The following RIPOR3 variants were observed in gnomAD, a reference collection of about 807,000 sequenced individuals.
RIPOR3 encodes the protein RIPOR family member 3.
In RIPOR3, 95 loss-of-function variants were observed where a neutral mutation model predicts 114.3. That is an observed-to-expected ratio of 0.83 (90% CI 0.70 to 0.99). The LOEUF (loss-of-function observed/expected upper bound fraction) is 0.99, where lower values mean the gene tolerates loss of function less well. Among genes scored for constraint, RIPOR3 ranks in the 50% least tolerant of loss-of-function variants. The probability of loss-of-function intolerance (pLI) is 0.00; values close to 1 mark genes in which losing one functional copy is unlikely to be tolerated. For missense variants in RIPOR3, 1,252 were observed against 1,266.9 expected (o/e 0.99, Z 0.18); for synonymous variants, 575 against 543.8 (o/e 1.06, Z -0.80).
At chr20:50,687,969 C>T (rs1453828195) in intron 1 of RIPOR3, among the ~76,000 whole-genome samples, 1 of 151,608 alleles carries the variant, frequency 6.6e-6, no homozygotes, top group African/African-American at 2.4e-5. Flanking sequence ...AAAAATAAAA[C>T]TTACAATACC....
chr20:50,617,134 T>C (rs5016173), intron 3 of RIPOR3, among the ~76,000 whole-genome samples: 123,803 of 152,028 alleles, frequency 0.81, 51,068 homozygotes, highest in African/African-American at 0.94. Flanking sequence ...GAGCGAGACT[T>C]CATTCCAAAA....
At chr20:50,630,571 A>ATC (rs140830420) in intron 2 of RIPOR3, among the ~76,000 whole-genome samples, 167 bp downstream of exon 2, 25,300 of 132,914 alleles carry the variant, frequency 0.19, 3,030 homozygotes, top group African/African-American at 0.36. Context: ...CTCAATCTCA[A>ATC]TCTCTCTCTC....
At chr20:50,599,373 C>G (rs1490514491) in intron 13 of RIPOR3, among the ~76,000 whole-genome samples, 3 of 151,034 alleles carry the variant, frequency 2.0e-5, no homozygotes, top group African/African-American at 7.3e-5. Flanking sequence ...GCCTGGACAA[C>G]AGAGTGAGAC....
intron 1 of RIPOR3, among the ~76,000 whole-genome samples, chr20:50,646,948 G>A (rs887565363): frequency 6.6e-6 from 1 of 152,134 alleles, no homozygotes; most frequent in Non-Finnish European, 1.5e-5. Context: ...GCTTCATAGG[G>A]GCTCATATTA....
chr20:50,681,744 G>A (rs2086869306), intron 1 of RIPOR3, among the ~76,000 whole-genome samples: 2 of 152,216 alleles, frequency 1.3e-5, no homozygotes, highest in Non-Finnish European at 2.9e-5. Flanking sequence ...CAAATAAAAG[G>A]AGGTGGAGGG....
intron 2 of RIPOR3, among the ~76,000 whole-genome samples, chr20:50,622,649 C>T (rs1287220585): frequency 1.3e-5 from 2 of 150,228 alleles, no homozygotes; most frequent in African/African-American, 4.9e-5. Flanking sequence ...GCAGACCTCC[C>T]AACACACACA....
intron 2 of RIPOR3, 31 bp downstream of exon 2, chr20:50,630,707 C>T (rs2084789855): frequency 6.4e-7 from 1 of 1,554,482 alleles, no homozygotes; most frequent in Non-Finnish European, 8.7e-7. Flanking sequence ...CCCACCCCTG[C>T]ACCCCGAAAC....
chr20:50,604,342 T>A (rs2083617741), intron 12 of RIPOR3, among the ~76,000 whole-genome samples: 1 of 152,194 alleles, frequency 6.6e-6, no homozygotes, highest in Non-Finnish European at 1.5e-5. Flanking sequence ...TACTGGGCAC[T>A]CTGTCAAGTA....
Position 50,586,468 on chromosome 20 carries a change from GTTGA to G in RIPOR3, c.*760_*763del, listed in dbSNP as rs3833314. Reference sequence around the variant, plus strand: ...ATCCTAGGGTAGCTTCCGAAGCTGGGTTGATTGATTGCATTTGGGTGCGGATGGC... The same window carrying G: ...ATCCTAGGGTAGCTTCCGAAGCTGGGTTGATTGCATTTGGGTGCGGATGGC... On this transcript the variant is annotated 3_prime_UTR_variant, in exon 22 of 22. Transcript: ENST00000327979. The G allele has an allele frequency of 0.32, 48,962 of 152,072 alleles. 10,436 individuals are homozygous for G. Among genetic ancestry groups the G allele is most frequent in the African/African-American group, 0.62 (25,484 of 41,282 alleles). The allele number at this position is 152,072 out of a possible 1,614,324, so 9.4% of individuals were successfully genotyped here.
intron 1 of RIPOR3, among the ~76,000 whole-genome samples, chr20:50,666,197 C>CTTTTCTTT (rs1568944624): frequency 1.1e-5 from 1 of 93,406 alleles, no homozygotes; most frequent in African/African-American, 5.4e-5. Context: ...CTTTTCTTTT[C>CTTTTCTTT]TTTTCTTTTC....
chr20:50,691,249 G>A lies in RIPOR3; in HGVS notation c.-121C>T, dbSNP rs1600796390. ...CCCGGGACTCCCGGACTCGAGCTAG[G>A]GCTCTGCAAATTCCATCCACACTGG... On this transcript the variant is annotated 5_prime_UTR_variant, in exon 1 of 22. Coordinates refer to ENST00000327979, the MANE Select transcript of RIPOR3 (RefSeq NM_001290268.2). The A allele has an allele frequency of 3.2e-6, 4 of 1,248,284 alleles. No individual in the cohort carries two copies. The East Asian group carries it at 1.7e-4, about 53-fold the overall frequency. The allele number at this position is 1,248,284 out of a possible 1,614,324, so 77.3% of individuals were successfully genotyped here.
At chr20:50,648,145 G>A (rs2085480634) in intron 1 of RIPOR3, among the ~76,000 whole-genome samples, 1 of 151,734 alleles carries the variant, frequency 6.6e-6, no homozygotes, top group Admixed American at 6.6e-5. Flanking sequence ...GTGTGTTGGT[G>A]GGCACCTGTA....
At chr20:50,640,979 G>A (rs1312862110) in intron 1 of RIPOR3, among the ~76,000 whole-genome samples, 7 of 146,058 alleles carry the variant, frequency 4.8e-5, no homozygotes, top group Non-Finnish European at 8.9e-5. Flanking sequence ...GCGCAATCTC[G>A]GCTCACCGCA....
At chr20:50,605,103 TTTTA>T (rs1490635976) in intron 11 of RIPOR3, among the ~76,000 whole-genome samples, 1 of 152,142 alleles carries the variant, frequency 6.6e-6, no homozygotes, top group African/African-American at 2.4e-5. Context: ...TTAAATTTAT[TTTTA>T]TTTTTTGTAA....
chr20:50,669,283 C>G (rs1441577550), intron 1 of RIPOR3, among the ~76,000 whole-genome samples: 1 of 152,186 alleles, frequency 6.6e-6, no homozygotes, highest in Non-Finnish European at 1.5e-5. Context: ...GGTCAGGCCA[C>G]TCTCCTGACA....
intron 1 of RIPOR3, among the ~76,000 whole-genome samples, chr20:50,664,072 T>C (rs1261532881): frequency 1.3e-5 from 2 of 151,910 alleles, no homozygotes; most frequent in Non-Finnish European, 1.5e-5. Context: ...GATTACAGGC[T>C]CTCGCCACTA....
Position 50,687,902 on chromosome 20 carries a change from C to CA in RIPOR3, c.3+3223dup, listed in dbSNP as rs11287738. 6.5e-3 allele frequency among the ~76,000 whole-genome samples: 837 copies of CA among 128,804 alleles called. 3 individuals carry two copies. Among genetic ancestry groups the CA allele is most frequent in the Middle Eastern group, 0.017 (4 of 236 alleles). 84.5% of individuals were successfully genotyped at this position (128,804 alleles called of 152,430 possible). ...TAGGCAACAGAGTGTGACTCCATCT[C>CA]AAAAAAAAAAAAAAATTGTTTTGAT... On this transcript the variant is annotated intron_variant, in intron 1 of 21. Transcript: ENST00000327979.
Position 50,595,368 on chromosome 20 carries a change from C to T in RIPOR3, c.2050+1G>A, listed in dbSNP as rs1176905903. ...CCCCTGGGTGGCAGGCAGCTACTTA[C>T]TCTCTTCAATGGATGTTGCCTTGCC... On this transcript the variant is annotated splice_donor_variant, in intron 16 of 21. Transcript: ENST00000327979. LOFTEE classifies it high-confidence loss of function. The T allele has an allele frequency of 6.2e-6, 10 of 1,613,000 alleles. No homozygotes were observed. The highest frequency in any genetic ancestry group is 2.7e-5 in the African/African-American group (2 of 74,932).
intron 1 of RIPOR3, among the ~76,000 whole-genome samples, chr20:50,667,142 C>A (rs78713093): frequency 2.0e-5 from 3 of 152,130 alleles, no homozygotes; most frequent in Non-Finnish European, 4.4e-5. Flanking sequence ...GGGAAGGGAA[C>A]ATTAACCATC....
Sources: allele counts gnomAD v4.1 joint callset (sites outside exome capture counted in the v4.1 genomes callset), GRCh38; gene constraint gnomAD v4.1.1; transcripts MANE v1.5; gene names NCBI Gene and HGNC (gene_info 2026-07-23, HGNC 2026-07-21).